Variants in STOX1 observed in about 807,000 individuals in gnomAD.
The protein encoded by STOX1 is storkhead box 1, also known as storkhead-box protein 1.
A neutral mutation model predicts 74.8 loss-of-function variants in STOX1; 57 were observed. That is an observed-to-expected ratio of 0.76 (90% CI 0.62 to 0.95). STOX1 has a LOEUF of 0.95. Ranked by LOEUF, STOX1 falls within the 40% of genes least tolerant of loss-of-function variation. The pLI is 0.00. For missense variants in STOX1, 1,010 were observed against 1,117.0 expected (o/e 0.90, Z 1.37); for synonymous variants, 375 against 401.3 (o/e 0.93, Z 0.78).
downstream of STOX1, among the ~76,000 whole-genome samples, chr10:68,895,083 AT>A (rs1322576239): frequency 1.3e-5 from 2 of 152,184 alleles, no homozygotes; most frequent in Non-Finnish European, 2.9e-5. Context: ...AAAAGAATGA[AT>A]TTCCCATTGT....
intron 1 of STOX1, among the ~76,000 whole-genome samples, chr10:68,878,731 C>T (rs1840739017): frequency 6.6e-6 from 1 of 152,170 alleles, no homozygotes; most frequent in South Asian, 2.1e-4. Context: ...CAGTACTGGC[C>T]ACTTACCAGC....
At chr10:68,852,419 C>T (rs1345071915) in intron 1 of STOX1, among the ~76,000 whole-genome samples, 18 of 150,556 alleles carry the variant, frequency 1.2e-4, no homozygotes, top group Non-Finnish European at 2.4e-4. Flanking sequence ...CCACCGCACC[C>T]GGCTAATTTT....
At chr10:68,841,654 A>G (rs529680154) in intron 1 of STOX1, among the ~76,000 whole-genome samples, 2 of 152,238 alleles carry the variant, frequency 1.3e-5, no homozygotes, top group African/African-American at 4.8e-5. Context: ...CATGAAAGAG[A>G]GTTTCCTAGT....
intron 1 of STOX1, among the ~76,000 whole-genome samples, chr10:68,864,870 G>A (rs1363159741): frequency 6.6e-6 from 1 of 152,170 alleles, no homozygotes; most frequent in Non-Finnish European, 1.5e-5. Context: ...CCTAGAGCAG[G>A]CCGTATGCAA....
At chr10:68,843,469 G>A (rs918688008) in intron 1 of STOX1, among the ~76,000 whole-genome samples, 3 of 152,118 alleles carry the variant, frequency 2.0e-5, no homozygotes, top group Non-Finnish European at 4.4e-5. Flanking sequence ...CTTTGCAATC[G>A]TGCCATCAAT....
intron 1 of STOX1, among the ~76,000 whole-genome samples, chr10:68,843,332 G>A (rs1839743454): frequency 6.6e-6 from 1 of 152,172 alleles, no homozygotes; most frequent in Non-Finnish European, 1.5e-5. Context: ...GTACCTAGGT[G>A]AGATTTTGGT....
intron 1 of STOX1, among the ~76,000 whole-genome samples, chr10:68,873,010 CT>C (rs372863380): frequency 0.061 from 9,210 of 150,964 alleles, 379 homozygotes; most frequent in Non-Finnish European, 0.094. Context: ...AAAATAAACA[CT>C]TTTTTTTTCT....
rs1247134687 is a variant in STOX1 at position 68,884,507 on chromosome 10, C to T, written c.711C>T (p.Pro237=). Residue 237 remains proline, a synonymous_variant, in exon 3 of 4, where the codon CCC becomes CCT. Coordinates refer to ENST00000298596, the MANE Select transcript of STOX1 (RefSeq NM_152709.5). The part of the protein sequence containing the change: ...CAESAQENAA[P]ISHCQSCQCF... The stretch of plus-strand genomic sequence containing the variant: ...AGTCAGCCCAAGAGAATGCTGCCCC[C>T]ATATCCCACTGTCAGTCTTGCCAGT... 1 of 1,613,810 alleles carries T rather than the reference C, an allele frequency of 6.2e-7. No homozygotes were observed. The highest frequency in any genetic ancestry group is 1.3e-5 in the African/African-American group (1 of 75,044).
chr10:68,886,752 C>A, intron 3 of STOX1, 134 bp downstream of exon 3: 1 of 729,696 alleles, frequency 1.4e-6, no homozygotes, highest in South Asian at 1.5e-5. Context: ...CATGGTGAAA[C>A]CCCATCTCTA....
At chr10:68,871,276 C>T (rs540486321) in intron 1 of STOX1, among the ~76,000 whole-genome samples, 35 of 152,292 alleles carry the variant, frequency 2.3e-4, no homozygotes, top group Non-Finnish European at 4.9e-4. Context: ...CAAAGGGCAC[C>T]CCCGGGTGGG....
Position 68,887,595 on chromosome 10 carries a change from CTT to C in STOX1, c.2822+994_2822+995del, listed in dbSNP as rs71028802. On this transcript the variant is annotated intron_variant, in intron 3 of 3. Coordinates refer to ENST00000298596, the MANE Select transcript of STOX1 (RefSeq NM_152709.5). ...CTGCGCCCAGCCTAATATTTTCTTT[CTT>C]TTTTTTTTTTTTTTTTGAGGCAGAG... Among the ~76,000 whole-genome samples the C allele has an allele frequency of 3.7e-3, 433 of 116,390 alleles. 4 individuals are homozygous for C. Among genetic ancestry groups the C allele is most frequent in the East Asian group, 0.016 (60 of 3,854 alleles). 76.4% of individuals were successfully genotyped at this position (116,390 alleles called of 152,430 possible).
At chr10:68,848,357 CT>C (rs1452425629) in intron 1 of STOX1, among the ~76,000 whole-genome samples, 3 of 152,194 alleles carry the variant, frequency 2.0e-5, no homozygotes, top group Non-Finnish European at 4.4e-5. Context: ...TCCCTGCCAC[CT>C]AAGCCCAGTG....
At chr10:68,858,835 C>T (rs1293360795) in intron 1 of STOX1, among the ~76,000 whole-genome samples, 1 of 152,042 alleles carries the variant, frequency 6.6e-6, no homozygotes, top group African/African-American at 2.4e-5. Context: ...GAGAAGCAGG[C>T]AAGGCTGCAG....
intron 3 of STOX1, among the ~76,000 whole-genome samples, chr10:68,887,388 TTCTCCTA>T (rs1299881002): frequency 6.6e-6 from 1 of 152,076 alleles, no homozygotes; most frequent in Non-Finnish European, 1.5e-5. Flanking sequence ...ATTCAAGTGA[TTCTCCTA>T]TCTCATCCTC....
intron 3 of STOX1, among the ~76,000 whole-genome samples, chr10:68,890,078 G>A (rs893202838): frequency 2.6e-5 from 4 of 151,936 alleles, no homozygotes; most frequent in Non-Finnish European, 4.4e-5. Flanking sequence ...CACCTTGGCT[G>A]GGATTACAGG....
At chr10:68,859,099 G>T (rs187757998) in intron 1 of STOX1, among the ~76,000 whole-genome samples, 2 of 152,114 alleles carry the variant, frequency 1.3e-5, no homozygotes, top group Admixed American at 6.5e-5. Context: ...GGCAGGGATT[G>T]CCTGCTTCTG....
At chr10:68,849,437 G>A (rs1409484702) in intron 1 of STOX1, among the ~76,000 whole-genome samples, 1 of 152,140 alleles carries the variant, frequency 6.6e-6, no homozygotes, top group African/African-American at 2.4e-5. Flanking sequence ...TTAATAGTAT[G>A]GAATGGCTCA....
At chr10:68,835,940 C>T (rs748561937) in intron 1 of STOX1, among the ~76,000 whole-genome samples, 3 of 151,866 alleles carry the variant, frequency 2.0e-5, no homozygotes, top group Non-Finnish European at 2.9e-5. Context: ...GGTGTGATCT[C>T]GGCTCACTGA....
Position 68,827,575 on chromosome 10 carries a change from C to A in STOX1, c.-49C>A. 1.8e-6 allele frequency: 2 copies of A among 1,098,778 alleles called. No homozygotes were observed. The highest frequency in any genetic ancestry group is 4.4e-5 in the South Asian group (1 of 22,766). 68.1% of individuals were successfully genotyped at this position (1,098,778 alleles called of 1,614,324 possible). On this transcript the variant is annotated 5_prime_UTR_variant, in exon 1 of 4. Coordinates refer to ENST00000298596, the MANE Select transcript of STOX1 (RefSeq NM_152709.5). ...GCCGAGCGAGCGGCGTCGTAGCCGC[C>A]GCGCTCGCCGAGGCCCTGCGTTGCG...
Sources: gnomAD v4.1 joint callset for allele counts (sites outside exome capture counted in the v4.1 genomes callset) on GRCh38, gnomAD v4.1.1 for gene constraint, MANE v1.5 for transcripts, NCBI Gene and HGNC (gene_info 2026-07-23, HGNC 2026-07-21) for gene names.